Variants in LMAN2 observed in about 807,000 individuals in gnomAD.
LMAN2 encodes the protein vesicular integral-membrane protein VIP36.
A neutral mutation model predicts 39.3 loss-of-function variants in LMAN2; 22 were observed. The observed-to-expected ratio is 0.56, with a 90% CI of 0.40 to 0.80. LMAN2 has a LOEUF of 0.80. LMAN2 is among the 30% of genes least tolerant of loss of function. The pLI, the probability that LMAN2 is intolerant of heterozygous loss-of-function variation, is 0.00. For synonymous variants in LMAN2, 207 were observed against 207.8 expected, an observed-to-expected ratio of 1.00 and a Z score of 0.03; for missense variants, 494 against 505.4, an observed-to-expected ratio of 0.98 and a Z score of 0.22.
chr5:177,339,380 G>A (rs1761520451), intron 2 of LMAN2, among the ~76,000 whole-genome samples: 2 of 152,242 alleles, frequency 1.3e-5, no homozygotes, highest in African/African-American at 2.4e-5. Flanking sequence ...CCCAGCCTAA[G>A]TGTGGTACCA....
Position 177,332,264 on chromosome 5 carries a change from G to A in LMAN2, c.911-18C>T, listed in dbSNP as rs1341340478. 3 of 1,609,584 alleles carry A rather than the reference G, an allele frequency of 1.9e-6. No individual in the cohort carries two copies. Among genetic ancestry groups the A allele is most frequent in the African/African-American group, 2.7e-5 (2 of 74,904 alleles). ...CACGTTGTCTGGGGGAGAAGAAACG[G>A]GGGAGCTGAAACGGCAGCACGGGCC... On this transcript the variant is annotated intron_variant, in intron 7 of 7. Transcript: ENST00000303127. The surrounding 1 kb of genome is among the most constrained non-coding windows in gnomAD (Gnocchi z 6.3).
chr5:177,343,228 C>G (rs1761583747), intron 2 of LMAN2, among the ~76,000 whole-genome samples: 1 of 152,202 alleles, frequency 6.6e-6, no homozygotes, highest in African/African-American at 2.4e-5. Context: ...GCACTCCAGC[C>G]TGGCGACAGG....
intron 7 of LMAN2, among the ~76,000 whole-genome samples, chr5:177,333,773 C>T (rs1359976124): frequency 2.6e-5 from 4 of 152,230 alleles, no homozygotes; most frequent in Admixed American, 2.6e-4. Context: ...ACCCAGGCTT[C>T]GGGTTTTGTA....
intron 1 of LMAN2, 33 bp from the exon 2 acceptor site, chr5:177,351,324 C>CCAGG (rs1326827897): frequency 1.9e-6 from 3 of 1,611,314 alleles, no homozygotes; most frequent in Non-Finnish European, 2.5e-6. Context: ...AGAGGCCACG[C>CCAGG]CAGGACTGGC....
At chr5:177,351,386 C>T in intron 1 of LMAN2, 66 bp downstream of exon 1, 1 of 1,601,852 alleles carries the variant, frequency 6.2e-7, no homozygotes, top group Non-Finnish European at 8.5e-7. Context: ...AGAAAGGGCA[C>T]GCCTTCCCCT....
Position 177,351,199 on chromosome 5 carries a change from T to C in LMAN2, c.289A>G (p.Lys97Glu). Residue 97 changes from lysine (K) to glutamate (E), a missense_variant, in exon 2 of 8, where the codon AAA becomes GAA. Transcript: ENST00000303127. Reference sequence around the variant, plus strand: ...TGGTGGTTCCAGATAGAGCCCTCTTTGCTGCGCTCGTCAGGGGTCAGACGT... The same window carrying C: ...TGGTGGTTCCAGATAGAGCCCTCTTCGCTGCGCTCGTCAGGGGTCAGACGT... ...YVRLTPDERS[K>E]EGSIWNHQPC... The C allele has an allele frequency of 1.2e-6, 2 of 1,614,176 alleles. No individual in the cohort carries two copies. The highest frequency in any genetic ancestry group is 1.7e-6 in the Non-Finnish European group (2 of 1,180,022).
chr5:177,340,499 C>G (rs1018676804), intron 2 of LMAN2, among the ~76,000 whole-genome samples: 1 of 152,040 alleles, frequency 6.6e-6, no homozygotes, highest in Non-Finnish European at 1.5e-5. Flanking sequence ...GAATCTTGGC[C>G]GGGTGCAGTG....
chr5:177,337,400 G>C lies in LMAN2; in HGVS notation c.638C>G (p.Thr213Ser), dbSNP rs369550241. 1.4e-4 allele frequency: 224 copies of C among 1,612,726 alleles called. No homozygotes were observed. Among genetic ancestry groups the C allele is most frequent in the Non-Finnish European group, 1.2e-4 (136 of 1,180,024 alleles). The change falls in exon 5 of 8, where the codon ACC (threonine) becomes AGC (serine). Residue 213 changes from threonine to serine, a missense_variant. Thr to Ser is a moderately conservative substitution (Grantham distance 58, BLOSUM62 1). Coordinates refer to ENST00000303127, the MANE Select transcript of LMAN2 (RefSeq NM_006816.3). The surrounding 1 kb of genome is among the most constrained non-coding windows in gnomAD (Gnocchi z 8.2). ...TADFRNRDHD[T>S]FLAVRYSRGR... Reference sequence around the variant, plus strand: ...CCGGGAGTAGCGCACAGCCAGGAAGGTGTCGTGATCGCGGTTGCGGAAGTC... The same window carrying C: ...CCGGGAGTAGCGCACAGCCAGGAAGCTGTCGTGATCGCGGTTGCGGAAGTC...
chr5:177,332,076 G>A lies in LMAN2; in HGVS notation c.*10C>T, dbSNP rs572505982. On this transcript the variant is annotated 3_prime_UTR_variant, in exon 8 of 8. Coordinates refer to ENST00000303127, the MANE Select transcript of LMAN2 (RefSeq NM_006816.3). The surrounding 1 kb of genome is among the most constrained non-coding windows in gnomAD (Gnocchi z 6.3). ...CTGGGCCCAGGGACAGGCCCCGCCGGAGGCGCCACTCAGTAGAAGCGCTTG... is the reference window on the plus strand; with the variant it reads ...CTGGGCCCAGGGACAGGCCCCGCCGAAGGCGCCACTCAGTAGAAGCGCTTG... The A allele has an allele frequency of 1.9e-6, 3 of 1,596,998 alleles. No homozygotes were observed. The highest frequency in any genetic ancestry group is 1.7e-5 in the Admixed American group (1 of 58,226).
chr5:177,337,401 TGTC>T lies in LMAN2; in HGVS notation c.634_636del (p.Asp212del). 4 of 1,612,646 alleles carry T rather than the reference TGTC, an allele frequency of 2.5e-6. No homozygotes were observed. Among genetic ancestry groups the T allele is most frequent in the Non-Finnish European group, 3.4e-6 (4 of 1,179,964 alleles). The stretch of plus-strand genomic sequence containing the variant: ...CGGGAGTAGCGCACAGCCAGGAAGG[TGTC>T]GTGATCGCGGTTGCGGAAGTCAGCC... On this transcript the variant is annotated inframe_deletion, in exon 5 of 8. Coordinates refer to ENST00000303127, the MANE Select transcript of LMAN2 (RefSeq NM_006816.3). The surrounding 1 kb of genome is among the most constrained non-coding windows in gnomAD (Gnocchi z 8.2).
At chr5:177,335,051 G>C (rs529949154) in intron 6 of LMAN2, among the ~76,000 whole-genome samples, 7 of 152,354 alleles carry the variant, frequency 4.6e-5, no homozygotes, top group African/African-American at 1.7e-4. Context: ...CAATTGTAGA[G>C]ATGAGGAGGC....
chr5:177,337,715 C>T lies in LMAN2; in HGVS notation c.504G>A (p.Glu168=). The change falls in exon 4 of 8, where the codon GAG becomes GAA. Residue 168 remains glutamate, a synonymous_variant. Coordinates refer to ENST00000303127, the MANE Select transcript of LMAN2 (RefSeq NM_006816.3). This position sits in a 1 kb window ranked among gnomAD's most constrained non-coding sequence, Gnocchi z 8.2. ...TAGAGCAGGGGCCTACCTCAGTGGT[C>T]TCATCATTGGGGTAGGTGTCCAGGA... ...AIFLDTYPND[E]TTERVFPYIS... 1 of 1,613,888 alleles carries T rather than the reference C, an allele frequency of 6.2e-7. No individual in the cohort carries two copies. The highest frequency in any genetic ancestry group is 2.2e-5 in the East Asian group (1 of 44,880).
Position 177,351,665 on chromosome 5 carries a change from C to A in LMAN2, c.-18G>T. The A allele has an allele frequency of 1.3e-6, 2 of 1,553,974 alleles. No homozygotes were observed. The highest frequency in any genetic ancestry group is 2.3e-5 in the East Asian group (1 of 44,124). ...GCCGCCATTCTCCTCTCCTCTCGGC[C>A]ACTTCCGCCCTAGAACTTCCGCCTT... is the stretch of plus-strand genomic sequence containing the variant. On this transcript the variant is annotated 5_prime_UTR_variant, in exon 1 of 8. Transcript: ENST00000303127.
At chr5:177,345,736 C>CATGCATTTATTT (rs1554092034) in intron 2 of LMAN2, among the ~76,000 whole-genome samples, 5 of 135,554 alleles carry the variant, frequency 3.7e-5, no homozygotes, top group Middle Eastern at 3.8e-3. Flanking sequence ...CCATGGCATG[C>CATGCATTTATTT]ATTTATTTAT....
chr5:177,332,236 G>A lies in LMAN2; in HGVS notation c.921C>T (p.Asp307=), dbSNP rs771249693. Residue 307 remains aspartate, a synonymous_variant, in exon 8 of 8, where the codon GAC becomes GAT. Coordinates refer to ENST00000303127, the MANE Select transcript of LMAN2 (RefSeq NM_006816.3). The surrounding 1 kb of genome is among the most constrained non-coding windows in gnomAD (Gnocchi z 6.3). ...NFLKSPKDNV[D]DPTGNFRSGP... Reference sequence around the variant, plus strand: ...CGCTGCGGAAGTTCCCCGTGGGGTCGTCCACGTTGTCTGGGGGAGAAGAAA... The same window carrying A: ...CGCTGCGGAAGTTCCCCGTGGGGTCATCCACGTTGTCTGGGGGAGAAGAAA... 2.5e-5 allele frequency: 40 copies of A among 1,612,242 alleles called. No individual in the cohort carries two copies. Among genetic ancestry groups the A allele is most frequent in the South Asian group, 1.2e-4 (11 of 90,996 alleles).
chr5:177,341,904 C>A (rs1010508420), intron 2 of LMAN2, among the ~76,000 whole-genome samples: 1 of 152,108 alleles, frequency 6.6e-6, no homozygotes, highest in Non-Finnish European at 1.5e-5. Context: ...TGAATGCCTG[C>A]TTTAAATTCT....
intron 7 of LMAN2, 80 bp downstream of exon 7, chr5:177,334,204 A>G: frequency 6.6e-7 from 1 of 1,519,522 alleles, no homozygotes; most frequent in South Asian, 1.3e-5. Context: ...CGACTGGACC[A>G]CAAGACCCGC....
Position 177,351,630 on chromosome 5 carries a change from C to A in LMAN2, c.18G>T (p.Trp6Cys), listed in dbSNP as rs750255337. ...GCCGGCCCCAGCCCCAACGCCAAAT[C>A]CAGCCTTCCGCCGCCATTCTCCTCT... Reference protein sequence around the residue: MAAEGWIWRWGWGRRC... With the variant: MAAEGCIWRWGWGRRC... The change falls in exon 1 of 8, where the codon TGG becomes TGT. Residue 6 changes from tryptophan to cysteine, a missense_variant. Physicochemically the swap from Trp to Cys is radical, Grantham distance 215. Transcript: ENST00000303127. The A allele has an allele frequency of 1.3e-6, 2 of 1,594,490 alleles. No homozygotes were observed. Among genetic ancestry groups the A allele is most frequent in the Non-Finnish European group, 1.7e-6 (2 of 1,172,884 alleles).
Position 177,337,257 on chromosome 5 carries a change from G to A in LMAN2, c.676-7C>T, listed in dbSNP as rs1283445231. 1.2e-6 allele frequency: 2 copies of A among 1,613,698 alleles called. No individual in the cohort carries two copies. The highest frequency in any genetic ancestry group is 1.7e-6 in the Non-Finnish European group (2 of 1,179,806). ...CCTCCAGGTCGGTCATCACCTGCAG[G>A]GCCCAGCACGCTAAGCACCTCGCAG... On this transcript the variant is annotated splice_polypyrimidine_tract_variant and splice_region_variant and intron_variant, in intron 5 of 7. Transcript: ENST00000303127. The surrounding 1 kb of genome is among the most constrained non-coding windows in gnomAD (Gnocchi z 8.2).
Sources: gnomAD v4.1 joint callset for allele counts (sites outside exome capture counted in the v4.1 genomes callset) on GRCh38, gnomAD v4.1.1 for gene constraint, Gnocchi (gnomAD v3.1) non-coding constraint, MANE v1.5 for transcripts, NCBI Gene and HGNC (gene_info 2026-07-23, HGNC 2026-07-21) for gene names.